CDH17: variants seen among roughly 807,000 people sequenced by gnomAD.
CDH17 encodes the protein cadherin-17.
CDH17 carries 67 observed loss-of-function variants against 86.3 expected under a neutral mutation model. That is an observed-to-expected ratio of 0.78 (90% CI 0.64 to 0.95). The LOEUF (loss-of-function observed/expected upper bound fraction) is 0.95. CDH17 is among the 40% of genes least tolerant of loss of function. The pLI is 0.00. For synonymous variants in CDH17, 367 were observed against 366.4 expected (o/e 1.00, Z -0.02); for missense variants, 993 against 1,017.6 (o/e 0.98, Z 0.33).
intron 1 of CDH17, among the ~76,000 whole-genome samples, chr8:94,206,540 T>C (rs1814030164): frequency 6.6e-6 from 1 of 152,232 alleles, no homozygotes; most frequent in Middle Eastern, 3.4e-3. Context: ...TTGCTGTTAA[T>C]GTGGAAGAAA....
chr8:94,189,261 T>C lies in CDH17; in HGVS notation c.76A>G (p.Lys26Glu). 1 of 1,612,648 alleles carries C rather than the reference T, an allele frequency of 6.2e-7. No individual in the cohort carries two copies. The highest frequency in any genetic ancestry group is 8.5e-7 in the Non-Finnish European group (1 of 1,179,582). Residue 26 changes from lysine to glutamate, a missense_variant, in exon 3 of 18, where the codon AAG becomes GAG. Transcript: ENST00000027335. The part of the protein sequence containing the change: ...YLATGYGQEG[K>E]FSGPLKPMTF... ...ATGGGTTTCAGGGGTCCACTAAACT[T>C]CCCCTCTTGGCCATATCCAGTTGCC...
At chr8:94,199,089 T>A (rs1458780347) in intron 1 of CDH17, among the ~76,000 whole-genome samples, 108 of 121,700 alleles carry the variant, frequency 8.9e-4, no homozygotes, top group African/African-American at 3.4e-3. Context: ...ATATATTTTT[T>A]TTTTTTTATC....
intron 8 of CDH17, 38 bp downstream of exon 8, chr8:94,170,814 CTT>C (rs1563577911): frequency 6.2e-7 from 1 of 1,602,394 alleles, no homozygotes; most frequent in South Asian, 1.1e-5. Context: ...GGGCATAGGA[CTT>C]TGTCTTGTCG....
chr8:94,148,926 T>C (rs753683617), intron 13 of CDH17, 52 bp from the exon 14 acceptor site: 14 of 1,546,772 alleles, frequency 9.1e-6, no homozygotes, highest in East Asian at 2.3e-5. Flanking sequence ...TGCATGAAAA[T>C]GTGAAGCTAG....
intron 15 of CDH17, among the ~76,000 whole-genome samples, chr8:94,137,240 G>A (rs1322268568): frequency 6.6e-6 from 1 of 152,242 alleles, no homozygotes; most frequent in East Asian, 1.9e-4. Context: ...GCTATGCCCT[G>A]TCCATAGAAA....
At chr8:94,209,173 A>T (rs1156770878), upstream of CDH17, among the ~76,000 whole-genome samples, 2 of 152,132 alleles carry the variant, frequency 1.3e-5, no homozygotes, top group African/African-American at 4.8e-5. Context: ...CAATTCAGGG[A>T]ATGGATTTAC....
intron 9 of CDH17, 84 bp from the exon 10 acceptor site, chr8:94,166,060 C>T: frequency 1.3e-6 from 1 of 785,876 alleles, no homozygotes. Context: ...AAGCACATTC[C>T]TAGAAAACAC....
chr8:94,134,635 GT>G (rs58891595), intron 15 of CDH17, among the ~76,000 whole-genome samples: 5,742 of 152,030 alleles, frequency 0.038, 344 homozygotes, highest in East Asian at 0.24. Flanking sequence ...TTTTTGAGGG[GT>G]TTTTTGTGTC....
intron 12 of CDH17, among the ~76,000 whole-genome samples, chr8:94,155,942 CG>C (rs1156874331): frequency 2.0e-5 from 3 of 152,166 alleles, no homozygotes; most frequent in Non-Finnish European, 4.4e-5. Flanking sequence ...TCATTATAAA[CG>C]GAAGATGCTA....
intron 17 of CDH17, among the ~76,000 whole-genome samples, chr8:94,129,932 T>C (rs1004809781): frequency 6.6e-6 from 1 of 152,218 alleles, no homozygotes; most frequent in African/African-American, 2.4e-5. Flanking sequence ...TATCTCATCG[T>C]GTATTTGCAA....
chr8:94,191,604 C>A lies in CDH17; in HGVS notation c.52-2319G>T, dbSNP rs958903896. ...ATAGCTGGCATTACAGGCACCCCCC[C>A]ACCATGCCCGACTAATTTTTTATAT... On this transcript the variant is annotated intron_variant, in intron 2 of 17. Coordinates refer to ENST00000027335, the MANE Select transcript of CDH17 (RefSeq NM_004063.4). Among the ~76,000 whole-genome samples the A allele has an allele frequency of 5.3e-5, 8 of 150,432 alleles. 1 individual carries two copies. Among genetic ancestry groups the A allele is most frequent in the African/African-American group, 1.5e-4 (6 of 40,966 alleles).
Position 94,130,638 on chromosome 8 carries a change from G to A in CDH17, c.2386C>T (p.Leu796Phe), listed in dbSNP as rs3192029. 27 of 1,608,522 alleles carry A rather than the reference G, an allele frequency of 1.7e-5. No homozygotes were observed. The highest frequency in any genetic ancestry group is 2.3e-5 in the Non-Finnish European group (27 of 1,175,418). Residue 796 changes from leucine (L) to phenylalanine (F), a missense_variant, in exon 17 of 18, where the codon CTT (leucine) becomes TTT (phenylalanine). By Grantham distance (22) the Leu-to-Phe change is conservative. Coordinates refer to ENST00000027335, the MANE Select transcript of CDH17 (RefSeq NM_004063.4). ...GMAVGILLTT[L>F]LVIGIILAVV... ...AAATTACACTCACCAATCACCAGAAGGGTGGTCAGCAGTATACCAACTGCC... is the reference window on the plus strand; with the variant it reads ...AAATTACACTCACCAATCACCAGAAAGGTGGTCAGCAGTATACCAACTGCC...
At chr8:94,177,216 C>T (rs10091496) in intron 4 of CDH17, among the ~76,000 whole-genome samples, 3,291 of 152,208 alleles carry the variant, frequency 0.022, 111 homozygotes, top group African/African-American at 0.076. Flanking sequence ...ATCCCAGCAC[C>T]GATACAGCCT....
chr8:94,164,593 C>T (rs1309474236), intron 10 of CDH17, among the ~76,000 whole-genome samples: 1 of 152,140 alleles, frequency 6.6e-6, no homozygotes, highest in Non-Finnish European at 1.5e-5. Context: ...CGCATTAGGG[C>T]CCTACTAAAC....
Position 94,146,012 on chromosome 8 carries a change from GATC to G in CDH17, c.2080_2082del (p.Asp694del). The G allele has an allele frequency of 1.2e-6, 2 of 1,613,876 alleles. No individual in the cohort carries two copies. Among genetic ancestry groups the G allele is most frequent in the Non-Finnish European group, 1.7e-6 (2 of 1,179,874 alleles). On this transcript the variant is annotated inframe_deletion, in exon 15 of 18. Transcript: ENST00000027335. ...AAATGGGGACCCCGAAATAAGTGCTGATCATCATCAGTAGCCTCGAAAATGAGA... is the reference window on the plus strand; with the variant it reads ...AAATGGGGACCCCGAAATAAGTGCTGATCATCAGTAGCCTCGAAAATGAGA...
chr8:94,206,469 A>C (rs1414191136), intron 1 of CDH17, among the ~76,000 whole-genome samples: 1 of 152,156 alleles, frequency 6.6e-6, no homozygotes, highest in African/African-American at 2.4e-5. Context: ...CTGTTCAAGC[A>C]CTGTTTGTCG....
In CDH17 at chr8:94,148,794, T is replaced by A; in HGVS notation, c.1877A>T (p.Asp626Val). The change falls in exon 14 of 18, where the codon GAC becomes GTC. Residue 626 changes from aspartate to valine, a missense_variant. By Grantham distance (152) the Asp-to-Val change is radical. Transcript: ENST00000027335. The stretch of plus-strand genomic sequence containing the variant: ...CCGATATGGACTTCCGGCTTCTCTG[T>A]CCAATGGAGCCACACTAAAGATCTC... Reference protein sequence around the residue: ...TGEIFSVAPLDREAGSPYRVQ... With the variant: ...TGEIFSVAPLVREAGSPYRVQ... 1 of 1,603,062 alleles carries A rather than the reference T, an allele frequency of 6.2e-7. No homozygotes were observed. The highest frequency in any genetic ancestry group is 1.4e-5 in the African/African-American group (1 of 73,838).
chr8:94,209,854 T>C (rs1361852998), upstream of CDH17, among the ~76,000 whole-genome samples: 3 of 152,174 alleles, frequency 2.0e-5, no homozygotes, highest in Non-Finnish European at 2.9e-5. Flanking sequence ...TCACACAGCA[T>C]TGTTCATAAA....
At chr8:94,215,258 T>G (rs1371688590) in intron 1 of CDH17, among the ~76,000 whole-genome samples, 3 of 152,316 alleles carry the variant, frequency 2.0e-5, no homozygotes, top group Non-Finnish European at 4.4e-5. Context: ...AACTGATGGA[T>G]AAAATGTGGT....
Sources: gnomAD v4.1 joint callset for allele counts (sites outside exome capture counted in the v4.1 genomes callset) on GRCh38, gnomAD v4.1.1 for gene constraint, MANE v1.5 for transcripts, NCBI Gene and HGNC (gene_info 2026-07-23, HGNC 2026-07-21) for gene names.